Variants in ZMIZ1 observed in about 807,000 individuals in gnomAD.
The protein encoded by ZMIZ1 is zinc finger MIZ-type containing 1, also known as zinc finger MIZ domain-containing protein 1.
In ZMIZ1, 17 loss-of-function variants were observed where a neutral mutation model predicts 113.9. The observed-to-expected ratio is 0.15, with a 90% CI of 0.10 to 0.22. ZMIZ1 has a LOEUF of 0.22. ZMIZ1 is among the 10% of genes least tolerant of loss of function. ZMIZ1 has a pLI of 1.00. For synonymous variants in ZMIZ1, 607 were observed against 603.1 expected (o/e 1.01, Z -0.09); for missense variants, 1,059 against 1,477.8 (o/e 0.72, Z 4.65).
intron 3 of ZMIZ1, among the ~76,000 whole-genome samples, chr10:79,140,990 C>T (rs112352889): frequency 3.9e-5 from 6 of 151,920 alleles, no homozygotes; most frequent in South Asian, 2.1e-4. Flanking sequence ...CTTCGTTGTC[C>T]GGGGGTGGGT....
rs182815409 is a variant in ZMIZ1, at chr10:79,208,508, G to A, written c.174+59G>A. On this transcript the variant is annotated intron_variant, in intron 6 of 24. Transcript: ENST00000334512. ...CCAGGAAGGTCAGCTGAGTGCTAGC[G>A]TGCCTGTCCAGGTTTCAGAGAGGTT... is the stretch of plus-strand genomic sequence containing the variant. 5.0e-5 allele frequency: 72 copies of A among 1,446,520 alleles called. 1 individual carries two copies. In the African/African-American group the frequency reaches 8.1e-4, roughly 16 times the overall value. The allele number at this position is 1,446,520 out of a possible 1,614,324, so 89.6% of individuals were successfully genotyped here. A position where few individuals can be genotyped will look rare whatever the true frequency, so the allele number is the denominator to read the frequency against.
At chr10:79,170,202 G>T (rs1846542934) in intron 4 of ZMIZ1, among the ~76,000 whole-genome samples, 1 of 152,198 alleles carries the variant, frequency 6.6e-6, no homozygotes, top group African/African-American at 2.4e-5. Flanking sequence ...GGGACACACT[G>T]GTGCCTGCAA....
intron 1 of ZMIZ1, among the ~76,000 whole-genome samples, chr10:79,104,955 GTGT>G (rs1843501944): frequency 4.6e-5 from 4 of 86,308 alleles, no homozygotes; most frequent in South Asian, 3.6e-4. Context: ...TGTGGGGTGT[GTGT>G]GTGTGTGTGT....
intron 6 of ZMIZ1, among the ~76,000 whole-genome samples, chr10:79,211,325 C>T (rs1231890827): frequency 1.3e-5 from 2 of 152,140 alleles, no homozygotes; most frequent in Non-Finnish European, 2.9e-5. Context: ...GCCGGTGCCC[C>T]TGTTCCCCAG....
At chr10:79,169,736 G>A (rs1161040074) in intron 4 of ZMIZ1, among the ~76,000 whole-genome samples, 1 of 152,242 alleles carries the variant, frequency 6.6e-6, no homozygotes, top group East Asian at 1.9e-4. Context: ...GTCTGGACAA[G>A]TTTCTTTCAT....
chr10:79,188,941 G>A (rs1229117608), intron 4 of ZMIZ1, among the ~76,000 whole-genome samples: 2 of 152,204 alleles, frequency 1.3e-5, no homozygotes, highest in African/African-American at 4.8e-5. Context: ...GCTTCGCTCA[G>A]GAGCACCTCC....
chr10:79,260,581 G>T (rs1321017400), intron 7 of ZMIZ1, among the ~76,000 whole-genome samples: 1 of 152,198 alleles, frequency 6.6e-6, no homozygotes, highest in African/African-American at 2.4e-5. Context: ...TGGAAGGAAT[G>T]GCAACAGGGA....
chr10:79,076,984 C>T (rs1842496296), intron 1 of ZMIZ1, among the ~76,000 whole-genome samples: 1 of 152,192 alleles, frequency 6.6e-6, no homozygotes, highest in African/African-American at 2.4e-5. Context: ...TGACCTTTGT[C>T]CTTTGCAGAG....
At chr10:79,297,753 A>C in intron 14 of ZMIZ1, 63 bp downstream of exon 14, 2 of 1,447,758 alleles carry the variant, frequency 1.4e-6, no homozygotes, top group Non-Finnish European at 9.7e-7. Flanking sequence ...AAAGGTTCTC[A>C]CTGTTCCTGC....
intron 7 of ZMIZ1, among the ~76,000 whole-genome samples, chr10:79,230,010 C>G (rs1428862445): frequency 1.3e-5 from 2 of 152,180 alleles, no homozygotes; most frequent in Admixed American, 1.3e-4. Flanking sequence ...TGCCCAGGGT[C>G]ACACAGCTAG....
At chr10:79,170,161 C>T (rs1389554904) in intron 4 of ZMIZ1, among the ~76,000 whole-genome samples, 1 of 152,160 alleles carries the variant, frequency 6.6e-6, no homozygotes, top group Non-Finnish European at 1.5e-5. Context: ...AAACAGATGC[C>T]CCCAGAAAAT....
intron 8 of ZMIZ1, among the ~76,000 whole-genome samples, chr10:79,280,046 T>G (rs1329040852): frequency 2.0e-5 from 3 of 151,166 alleles, no homozygotes; most frequent in Non-Finnish European, 4.4e-5. Context: ...TGTAGTACAG[T>G]GGCGCAATCT....
rs367815803 is a variant in ZMIZ1, at chr10:79,093,289, TTTTATTTATTTATTTA to T, written c.-337+24059_-337+24074del. Among the ~76,000 whole-genome samples, 255 of 140,266 alleles carry T rather than the reference TTTTATTTATTTATTTA, an allele frequency of 1.8e-3. 1 individual carries two copies. The highest frequency in any genetic ancestry group is 7.9e-3 in the East Asian group (37 of 4,708). The allele number at this position is 140,266 out of a possible 152,430, so 92.0% of individuals were successfully genotyped here. A position where few individuals can be genotyped will look rare whatever the true frequency, so the allele number is the denominator to read the frequency against. ...GAAGGACTGCTGTACCCCAGTTTTA[TTTTATTTATTTATTTA>T]TTTATTTATTTATTTATTTATTTAT... On this transcript the variant is annotated intron_variant, in intron 1 of 24. Transcript: ENST00000334512.
intron 2 of ZMIZ1, among the ~76,000 whole-genome samples, chr10:79,128,389 G>C (rs1375139567): frequency 1.3e-5 from 2 of 152,206 alleles, no homozygotes; most frequent in Non-Finnish European, 2.9e-5. Flanking sequence ...CCCAGGCTTC[G>C]GAGCTGGACA....
At chr10:79,148,233 G>A (rs1845572469) in intron 3 of ZMIZ1, among the ~76,000 whole-genome samples, 1 of 152,224 alleles carries the variant, frequency 6.6e-6, no homozygotes, top group Non-Finnish European at 1.5e-5. Context: ...GATCACGGCC[G>A]AACTGGAATC....
At chr10:79,292,495 T>G in intron 11 of ZMIZ1, 139 bp downstream of exon 11, 1 of 1,172,440 alleles carries the variant, frequency 8.5e-7, no homozygotes, top group South Asian at 1.4e-5. Context: ...CATTTGGGCT[T>G]TCATGGAAGC....
chr10:79,300,661 G>A (rs1854233464), intron 16 of ZMIZ1, 71 bp from the exon 17 acceptor site: 5 of 1,505,916 alleles, frequency 3.3e-6, no homozygotes, highest in Non-Finnish European at 8.9e-7. Context: ...TGTGTGACCT[G>A]GCTCGGGGTC....
At chr10:79,131,547 G>A (rs1458779498) in intron 2 of ZMIZ1, among the ~76,000 whole-genome samples, 1 of 152,164 alleles carries the variant, frequency 6.6e-6, no homozygotes, top group Admixed American at 6.5e-5. Context: ...TGAGTTTGCA[G>A]CACAAATGCC....
At chr10:79,191,398 A>C (rs1847595082) in intron 4 of ZMIZ1, among the ~76,000 whole-genome samples, 1 of 152,028 alleles carries the variant, frequency 6.6e-6, no homozygotes, top group South Asian at 2.1e-4. Flanking sequence ...CTCTGTCTAC[A>C]GTCACATCCT....
Sources: gnomAD v4.1 joint callset for allele counts (sites outside exome capture counted in the v4.1 genomes callset) on GRCh38, gnomAD v4.1.1 for gene constraint, MANE v1.5 for transcripts, NCBI Gene and HGNC (gene_info 2026-07-23, HGNC 2026-07-21) for gene names.